CNTLN: variants seen among roughly 807,000 people sequenced by gnomAD.
CNTLN encodes the protein centlein.
A neutral mutation model predicts 180.0 loss-of-function variants in CNTLN; 212 were observed. That is an observed-to-expected ratio of 1.18 (90% confidence interval 1.05 to 1.32). The LOEUF is 1.32. Ranked by LOEUF, CNTLN falls within the 40% of genes most tolerant of loss-of-function variation. The probability of loss-of-function intolerance (pLI) is 0.00; values close to 1 mark genes in which losing one functional copy is unlikely to be tolerated. For synonymous variants in CNTLN, 722 were observed against 563.1 expected (o/e 1.28, Z -3.99); for missense variants, 2,095 against 1,610.9 (o/e 1.30, Z -5.14).
Position 17,406,000 on chromosome 9 carries a change from ACATGTAAAGTT to A in CNTLN, c.2616-3292_2616-3282del, listed in dbSNP as rs765446354. On this transcript the variant is annotated intron_variant, in intron 15 of 25. Coordinates refer to ENST00000380647, the MANE Select transcript of CNTLN (RefSeq NM_017738.4). ...ATGTTGGTCAGGCTCTGAATTTTAG[ACATGTAAAGTT>A]GACTGTCAACTTAGCATCATACTTG... Among the ~76,000 whole-genome samples the A allele has an allele frequency of 2.4e-3, 364 of 151,744 alleles. 2 individuals carry two copies. Among genetic ancestry groups the A allele is most frequent in the Non-Finnish European group, 3.5e-3 (240 of 68,008 alleles).
At position 17,415,881 on chromosome 9, in the gene CNTLN, G is replaced by C; in HGVS notation, c.2890G>C (p.Val964Leu). 2 of 1,604,064 alleles carry C rather than the reference G, an allele frequency of 1.2e-6. No homozygotes were observed. Among genetic ancestry groups the C allele is most frequent in the Non-Finnish European group, 1.7e-6 (2 of 1,174,370 alleles). Residue 964 changes from valine to leucine, a missense_variant and splice_region_variant, in exon 17 of 26, where the codon GTC (valine) becomes CTC (leucine). Coordinates refer to ENST00000380647, the MANE Select transcript of CNTLN (RefSeq NM_017738.4). ...TTCACATACAGCAGTTCCTACTAGA[G>C]GTAAGAATGTATATGCAATTAACAA... Reference protein sequence around the residue: ...KSSHTAVPTRVNREKYKNITA... With the variant: ...KSSHTAVPTRLNREKYKNITA...
chr9:17,526,729 T>A, the CNTLN span, among the ~76,000 whole-genome samples: 1 of 121,296 alleles, frequency 8.2e-6, no homozygotes, highest in Non-Finnish European at 1.9e-5. Context: ...AGAACAATAG[T>A]AAAACATGTA....
intron 2 of CNTLN, among the ~76,000 whole-genome samples, chr9:17,151,231 C>G (rs369759252): frequency 1.3e-5 from 2 of 152,040 alleles, no homozygotes; most frequent in African/African-American, 4.8e-5. Context: ...TGCTGGTTTT[C>G]GAAGGGAATG....
At chr9:17,466,244 G>C (rs946742003) in intron 22 of CNTLN, 126 bp downstream of exon 22, 2 of 738,000 alleles carry the variant, frequency 2.7e-6, no homozygotes, top group African/African-American at 3.7e-5. Context: ...TAAGTGCAAA[G>C]AGGATTTGTA....
At chr9:17,326,565 GTT>G (rs1369495094) in intron 8 of CNTLN, among the ~76,000 whole-genome samples, 1 of 152,084 alleles carries the variant, frequency 6.6e-6, no homozygotes, top group Non-Finnish European at 1.5e-5. Flanking sequence ...AGATTATTAA[GTT>G]TTTAAAAAGC....
intron 18 of CNTLN, among the ~76,000 whole-genome samples, chr9:17,442,108 C>G (rs900821350): frequency 2.6e-5 from 4 of 152,110 alleles, no homozygotes; most frequent in African/African-American, 9.7e-5. Context: ...CCACTTTCAA[C>G]AATGGATAGA....
chr9:17,331,397 G>A (rs1191873901), intron 9 of CNTLN, among the ~76,000 whole-genome samples: 2 of 151,476 alleles, frequency 1.3e-5, no homozygotes, highest in South Asian at 2.1e-4. Context: ...GTTGTGTTAC[G>A]CTGTAAAAGA....
chr9:17,153,445 T>C (rs916632159), intron 2 of CNTLN, among the ~76,000 whole-genome samples: 5 of 152,224 alleles, frequency 3.3e-5, no homozygotes, highest in Non-Finnish European at 5.9e-5. Context: ...GAAATTCTGG[T>C]TTGAAAATTG....
At chr9:17,514,563 A>G in the CNTLN span, among the ~76,000 whole-genome samples, 1 of 152,222 alleles carries the variant, frequency 6.6e-6, no homozygotes. Context: ...ACCTAAAAAG[A>G]GAACTATAAA....
At chr9:17,351,975 T>G (rs1822402356) in intron 12 of CNTLN, among the ~76,000 whole-genome samples, 1 of 152,176 alleles carries the variant, frequency 6.6e-6, no homozygotes, top group Non-Finnish European at 1.5e-5. Context: ...GAATTACTAA[T>G]GTTTTCCTAG....
chr9:17,378,265 C>T (rs978394992), intron 13 of CNTLN, among the ~76,000 whole-genome samples: 10 of 152,074 alleles, frequency 6.6e-5, no homozygotes, highest in African/African-American at 2.2e-4. Flanking sequence ...TTGCAACCTC[C>T]GATTCCCTGG....
At chr9:17,144,038 TTA>T (rs1214824558) in intron 2 of CNTLN, among the ~76,000 whole-genome samples, 1 of 152,236 alleles carries the variant, frequency 6.6e-6, no homozygotes, top group Admixed American at 6.5e-5. Flanking sequence ...ATTATACTTT[TTA>T]AATGAGAAGC....
chr9:17,496,572 A>G (rs1378816901), intron 25 of CNTLN, among the ~76,000 whole-genome samples: 1 of 152,196 alleles, frequency 6.6e-6, no homozygotes, highest in Non-Finnish European at 1.5e-5. Context: ...ATTTTGGGGG[A>G]ACACAAGCAT....
intron 1 of CNTLN, among the ~76,000 whole-genome samples, chr9:17,135,691 G>A (rs1817665434): frequency 6.6e-6 from 1 of 152,118 alleles, no homozygotes; most frequent in South Asian, 2.1e-4. Flanking sequence ...TTGGATACTC[G>A]CAGTCGCATC....
At position 17,219,257 on chromosome 9, in the gene CNTLN, C is replaced by CT. The variant is rs112815886; in HGVS notation, c.450-6935dup. Among the ~76,000 whole-genome samples the CT allele has an allele frequency of 7.7e-3, 1,101 of 142,402 alleles. 14 individuals are homozygous for CT. The highest frequency in any genetic ancestry group is 0.018 in the Admixed American group (255 of 14,314). The allele number at this position is 142,402 out of a possible 152,430, so 93.4% of individuals were successfully genotyped here. On this transcript the variant is annotated intron_variant, in intron 2 of 25. Transcript: ENST00000380647. ...GTCTTTTTTTTTCTTTTTAAGGAAC[C>CT]TTTTTTTTTTTAGGTCTTGTAAGTA...
chr9:17,385,558 A>G lies in CNTLN; in HGVS notation c.1988-2604A>G, dbSNP rs922141499. On this transcript the variant is annotated intron_variant, in intron 13 of 25. Coordinates refer to ENST00000380647, the MANE Select transcript of CNTLN (RefSeq NM_017738.4). Reference sequence around the variant, plus strand: ...TTACTCAAGAAATTCCAAAGGTTTTAGAAACTATGTTTCAGGAACTGGGGA... The same window carrying G: ...TTACTCAAGAAATTCCAAAGGTTTTGGAAACTATGTTTCAGGAACTGGGGA... 4.6e-5 allele frequency among the ~76,000 whole-genome samples: 7 copies of G among 152,310 alleles called. No individual in the cohort carries two copies. In the East Asian group the frequency reaches 1.4e-3, roughly 29 times the overall value.
At chr9:17,359,849 G>A (rs909194413) in intron 12 of CNTLN, among the ~76,000 whole-genome samples, 11 of 150,814 alleles carry the variant, frequency 7.3e-5, no homozygotes, top group African/African-American at 2.7e-4. Flanking sequence ...GCAGTGAGCC[G>A]AGATCTTGCC....
intron 5 of CNTLN, among the ~76,000 whole-genome samples, chr9:17,241,188 T>G (rs1000804079): frequency 6.6e-6 from 1 of 152,182 alleles, no homozygotes; most frequent in Non-Finnish European, 1.5e-5. Flanking sequence ...GCTTCACAGT[T>G]TGAGGTCTGT....
chr9:17,213,487 A>G (rs1458229321), intron 2 of CNTLN, among the ~76,000 whole-genome samples: 1 of 152,150 alleles, frequency 6.6e-6, no homozygotes, highest in South Asian at 2.1e-4. Context: ...TATGTGGTCA[A>G]TTTTGGAATA....
Sources: gnomAD v4.1 joint callset for allele counts (sites outside exome capture counted in the v4.1 genomes callset) on GRCh38, gnomAD v4.1.1 for gene constraint, MANE v1.5 for transcripts, NCBI Gene and HGNC (gene_info 2026-07-23, HGNC 2026-07-21) for gene names.